STON2: variants seen among roughly 807,000 people sequenced by gnomAD.
The protein encoded by STON2 is stonin 2.
STON2 carries 29 observed loss-of-function variants against 65.7 expected under a neutral mutation model. The ratio of observed to expected loss-of-function variants is 0.44; its 90% CI spans 0.33 to 0.60. STON2 has a LOEUF of 0.60. STON2 is among the 20% of genes least tolerant of loss of function. STON2 has a pLI of 0.03. For missense variants in STON2, 1,054 were observed against 1,118.1 expected, an observed-to-expected ratio of 0.94 and a Z score of 0.82; for synonymous variants, 404 against 414.2, an observed-to-expected ratio of 0.98 and a Z score of 0.30.
At chr14:81,269,817 T>C in intron 7 of STON2, 1 of 985,466 alleles carries the variant, frequency 1.0e-6, no homozygotes, top group Non-Finnish European at 1.2e-6. Context: ...AAAGTATCAC[T>C]TTCTATTTAT....
upstream of STON2, among the ~76,000 whole-genome samples, chr14:81,405,113 TG>T (rs1900783601): frequency 6.6e-6 from 1 of 152,162 alleles, no homozygotes; most frequent in Non-Finnish European, 1.5e-5. Flanking sequence ...TTCTTGAATC[TG>T]TATGTCCATT....
At chr14:81,414,727 T>C (rs1045618520) in intron 2 of STON2, among the ~76,000 whole-genome samples, 8 of 152,100 alleles carry the variant, frequency 5.3e-5, no homozygotes, top group Non-Finnish European at 8.8e-5. Context: ...GTACCAGGAA[T>C]GACACAACAA....
At chr14:81,361,183 A>G (rs566088319) in intron 4 of STON2, among the ~76,000 whole-genome samples, 3 of 152,172 alleles carry the variant, frequency 2.0e-5, no homozygotes, top group African/African-American at 7.2e-5. Context: ...CAAAACAAAT[A>G]CCAAATAGCC....
chr14:81,334,675 C>G (rs1897310814), intron 4 of STON2, among the ~76,000 whole-genome samples: 1 of 152,076 alleles, frequency 6.6e-6, no homozygotes, highest in Admixed American at 6.6e-5. Context: ...TGTTACTTCT[C>G]CAAGTGAAGC....
chr14:81,308,780 C>CTATATATA (rs1566901042), intron 5 of STON2, among the ~76,000 whole-genome samples: 1 of 1,918 alleles, frequency 5.2e-4, no homozygotes, highest in Admixed American at 5.6e-3. Context: ...ATGGTTTTAC[C>CTATATATA]CATATATATA....
Position 81,277,366 on chromosome 14 carries a change from C to A in STON2, c.2116G>T (p.Gly706Trp). 1 of 1,614,162 alleles carries A rather than the reference C, an allele frequency of 6.2e-7. No homozygotes were observed. The highest frequency in any genetic ancestry group is 8.5e-7 in the Non-Finnish European group (1 of 1,180,018). ...WIKLHECRFH[G>W]CVDEDVFHNS... The stretch of plus-strand genomic sequence containing the variant: ...TGGAAAACATCCTCATCCACACACC[C>A]ATGGAAACGGCACTCATGGAGCTTG... Residue 706 changes from glycine (G) to tryptophan (W), a missense_variant, in exon 6 of 8, where the codon GGG (glycine) becomes TGG (tryptophan). Gly to Trp is a radical substitution (Grantham distance 184). Transcript: ENST00000614646.
chr14:81,430,964 A>C (rs2139930467), intron 1 of STON2, among the ~76,000 whole-genome samples: 2 of 152,088 alleles, frequency 1.3e-5, no homozygotes, highest in Middle Eastern at 6.8e-3. Flanking sequence ...TGTTTGCTGC[A>C]CCTTTTGAAA....
At chr14:81,408,660 A>G (rs770306899) in intron 2 of STON2, among the ~76,000 whole-genome samples, 2 of 152,158 alleles carry the variant, frequency 1.3e-5, no homozygotes, top group African/African-American at 4.8e-5. Context: ...CTACTGTGTG[A>G]TTTTCCTTCA....
At chr14:81,315,118 C>A (rs1257962726) in intron 5 of STON2, among the ~76,000 whole-genome samples, 1 of 152,150 alleles carries the variant, frequency 6.6e-6, no homozygotes, top group Non-Finnish European at 1.5e-5. Context: ...ACATTCTGGT[C>A]CATTCTGGCA....
upstream of STON2, among the ~76,000 whole-genome samples, chr14:81,402,060 G>A (rs983495110): frequency 6.6e-6 from 1 of 152,220 alleles, no homozygotes. Flanking sequence ...TCTGATGAGA[G>A]CAGAGGTATC....
intron 2 of STON2, among the ~76,000 whole-genome samples, chr14:81,408,963 C>T (rs1228260240): frequency 1.3e-5 from 2 of 152,182 alleles, no homozygotes; most frequent in Non-Finnish European, 2.9e-5. Flanking sequence ...CTTGGTTTAA[C>T]TCCACTTCAT....
intron 4 of STON2, among the ~76,000 whole-genome samples, chr14:81,342,818 A>T (rs1897666800): frequency 6.6e-6 from 1 of 152,202 alleles, no homozygotes; most frequent in South Asian, 2.1e-4. Flanking sequence ...ACAGAGTCCA[A>T]GCCAGGGTCT....
rs756781452 is a variant in STON2 at position 81,393,410 on chromosome 14, G to A, written c.373+2484C>T. ...TGAGGGAGCAGAGGATACTAGAGCA[G>A]CAGCAGCAGCAGCAGCAGGAAGAGT... is the stretch of plus-strand genomic sequence containing the variant. On this transcript the variant is annotated intron_variant, in intron 3 of 7. Transcript: ENST00000614646. Among the ~76,000 whole-genome samples the A allele has an allele frequency of 7.9e-5, 12 of 152,258 alleles. No homozygotes were observed. The South Asian group carries it at 2.1e-3, about 26-fold the overall frequency.
intron 4 of STON2, among the ~76,000 whole-genome samples, chr14:81,369,726 T>C (rs1028800579): frequency 2.0e-5 from 3 of 152,198 alleles, no homozygotes; most frequent in Admixed American, 2.0e-4. Context: ...CTGAGCAGTC[T>C]GGCTCTGGAG....
chr14:81,319,169 A>G (rs561931071), intron 5 of STON2, among the ~76,000 whole-genome samples: 1 of 152,364 alleles, frequency 6.6e-6, no homozygotes, highest in South Asian at 2.1e-4. Flanking sequence ...ACATTGTTGT[A>G]TAAAACAGAT....
At chr14:81,325,672 G>A (rs955814250) in intron 4 of STON2, among the ~76,000 whole-genome samples, 4 of 152,014 alleles carry the variant, frequency 2.6e-5, no homozygotes, top group East Asian at 1.9e-4. Flanking sequence ...AAGGATACCC[G>A]TGATGTGTTA....
At position 81,263,667 on chromosome 14, in the gene STON2, G is replaced by A; in HGVS notation, c.*4747C>T. On this transcript the variant is annotated 3_prime_UTR_variant, in exon 8 of 8. Coordinates refer to ENST00000614646, the MANE Select transcript of STON2 (RefSeq NM_001394390.1). Reference sequence around the variant, plus strand: ...AATTCTTCTTCCTATGTGGCCCAGGGAAGCCAAAAGATTGGACCTCCCTGA... The same window carrying A: ...AATTCTTCTTCCTATGTGGCCCAGGAAAGCCAAAAGATTGGACCTCCCTGA... 1.1e-6 allele frequency: 1 copy of A among 940,324 alleles called. No homozygotes were observed. The highest frequency in any genetic ancestry group is 1.3e-6 in the Non-Finnish European group (1 of 788,974). 58.2% of individuals were successfully genotyped at this position (940,324 alleles called of 1,614,324 possible). A position where few individuals can be genotyped will look rare whatever the true frequency, so the allele number is the denominator to read the frequency against.
Position 81,277,059 on chromosome 14 carries a change from T to A in STON2, c.2423A>T (p.Lys808Met). The A allele has an allele frequency of 6.2e-7, 1 of 1,614,212 alleles. No homozygotes were observed. Among genetic ancestry groups the A allele is most frequent in the East Asian group, 2.2e-5 (1 of 44,884 alleles). ...CCGGTTCACTTTGGCTTTCAAAGAC[T>A]TTTCCCCCAGGACACTTTCCCTGCG... ...NFRRESVLGE[K>M]SLKAKVNRGA... is the part of the protein sequence containing the mutation. Residue 808 changes from lysine to methionine, a missense_variant, in exon 6 of 8, where the codon AAG (lysine) becomes ATG (methionine). Lys to Met is a moderately conservative substitution (Grantham distance 95, BLOSUM62 -1). Coordinates refer to ENST00000614646, the MANE Select transcript of STON2 (RefSeq NM_001394390.1).
At chr14:81,387,580 T>C (rs1899873451) in intron 3 of STON2, among the ~76,000 whole-genome samples, 1 of 152,136 alleles carries the variant, frequency 6.6e-6, no homozygotes, top group African/African-American at 2.4e-5. Context: ...TTTTTCCATA[T>C]ATATGGTTAT....
Sources: allele counts gnomAD v4.1 joint callset (sites outside exome capture counted in the v4.1 genomes callset), GRCh38; gene constraint gnomAD v4.1.1; transcripts MANE v1.5; gene names NCBI Gene and HGNC (gene_info 2026-07-23, HGNC 2026-07-21).